The following KCNMA1 variants were observed in gnomAD, a reference collection of about 807,000 sequenced individuals.
The protein encoded by KCNMA1 is potassium calcium-activated channel subfamily M alpha 1.
In KCNMA1, 29 loss-of-function variants were observed where a neutral mutation model predicts 140.0. The observed-to-expected ratio is 0.21, with a 90% confidence interval of 0.15 to 0.28. The LOEUF (loss-of-function observed/expected upper bound fraction) is 0.28, where lower values mean the gene tolerates loss of function less well. Ranked by LOEUF, KCNMA1 falls within the 10% of genes least tolerant of loss-of-function variation. KCNMA1 has a pLI of 1.00. For missense variants in KCNMA1, 880 were observed against 1,602.2 expected, an observed-to-expected ratio of 0.55 and a Z score of 7.70; for synonymous variants, 612 against 611.9, an observed-to-expected ratio of 1.00 and a Z score of 0.00.
intron 19 of KCNMA1, among the ~76,000 whole-genome samples, chr10:76,982,698 G>C (rs1278100302): frequency 1.3e-5 from 2 of 152,078 alleles, no homozygotes; most frequent in Non-Finnish European, 2.9e-5. Flanking sequence ...TGAAGCCTCT[G>C]GGAAAGCTAT....
chr10:77,073,706 GT>G (rs1194807278), intron 13 of KCNMA1, among the ~76,000 whole-genome samples: 4 of 152,190 alleles, frequency 2.6e-5, no homozygotes, highest in African/African-American at 9.7e-5. Context: ...CACCTGTACA[GT>G]TTCTGAAAAC....
intron 3 of KCNMA1, among the ~76,000 whole-genome samples, chr10:77,244,435 C>T (rs775994544): frequency 2.0e-5 from 3 of 152,200 alleles, no homozygotes; most frequent in South Asian, 4.1e-4. Flanking sequence ...CTTCTAGATG[C>T]CATTGCCTAC....
At chr10:77,188,405 G>C (rs140719265) in intron 3 of KCNMA1, among the ~76,000 whole-genome samples, 18 of 152,204 alleles carry the variant, frequency 1.2e-4, no homozygotes, top group African/African-American at 3.9e-4. Flanking sequence ...TTAATAATTA[G>C]AGAATATAAG....
intron 1 of KCNMA1, among the ~76,000 whole-genome samples, chr10:77,495,224 T>C (rs945775854): frequency 6.6e-6 from 1 of 152,162 alleles, no homozygotes; most frequent in Non-Finnish European, 1.5e-5. Context: ...TCCCAAGAAG[T>C]AGGCTCAATG....
intron 3 of KCNMA1, among the ~76,000 whole-genome samples, chr10:77,202,754 A>G (rs1302663071): frequency 6.6e-6 from 1 of 152,182 alleles, no homozygotes; most frequent in South Asian, 2.1e-4. Flanking sequence ...AAACTCACCC[A>G]AGGATGGCCA....
chr10:77,455,928 A>C (rs1339329826), intron 1 of KCNMA1, among the ~76,000 whole-genome samples: 1 of 152,204 alleles, frequency 6.6e-6, no homozygotes, highest in African/African-American at 2.4e-5. Flanking sequence ...AATAAACAAA[A>C]TAAATTAAGC....
At chr10:76,963,890 C>T (rs2072772419) in intron 20 of KCNMA1, among the ~76,000 whole-genome samples, 2 of 152,084 alleles carry the variant, frequency 1.3e-5, no homozygotes, top group Admixed American at 6.5e-5. Context: ...TCTGTCTGAG[C>T]CTGTATCAGA....
intron 2 of KCNMA1, among the ~76,000 whole-genome samples, chr10:77,279,620 G>C (rs1472324670): frequency 1.3e-5 from 2 of 152,164 alleles, no homozygotes; most frequent in South Asian, 2.1e-4. Flanking sequence ...TTATTTCCCA[G>C]TTGGTGGCCT....
At chr10:77,554,597 CAAAAAAAAA>C (rs59754706) in intron 1 of KCNMA1, among the ~76,000 whole-genome samples, 1 of 84,100 alleles carries the variant, frequency 1.2e-5, no homozygotes, top group Non-Finnish European at 2.4e-5. Flanking sequence ...TACTCCATCT[CAAAAAAAAA>C]AAAAAAAAAA....
chr10:77,184,061 T>TACACACACAC (rs1270596744), intron 4 of KCNMA1, among the ~76,000 whole-genome samples: 1 of 102,948 alleles, frequency 9.7e-6, no homozygotes, highest in Non-Finnish European at 2.3e-5. Context: ...TATGTACGCA[T>TACACACACAC]TCACACACAC....
At chr10:77,320,746 A>C (rs987203135) in intron 2 of KCNMA1, among the ~76,000 whole-genome samples, 1 of 152,230 alleles carries the variant, frequency 6.6e-6, no homozygotes, top group African/African-American at 2.4e-5. Flanking sequence ...TACAGAAAAA[A>C]ACCCAAGCAC....
At chr10:77,141,105 C>A (rs2098158591) in intron 5 of KCNMA1, among the ~76,000 whole-genome samples, 1 of 152,104 alleles carries the variant, frequency 6.6e-6, no homozygotes, top group Non-Finnish European at 1.5e-5. Flanking sequence ...CTAACATAAC[C>A]CAAATACGCA....
chr10:77,472,938 T>C (rs1158946840), intron 1 of KCNMA1, among the ~76,000 whole-genome samples: 1 of 152,192 alleles, frequency 6.6e-6, no homozygotes, highest in Non-Finnish European at 1.5e-5. Context: ...GGTGGGCTCG[T>C]ACTAGGATTG....
chr10:77,580,057 C>A (rs527992639), intron 1 of KCNMA1, among the ~76,000 whole-genome samples: 247 of 152,286 alleles, frequency 1.6e-3, no homozygotes, highest in African/African-American at 5.7e-3. Context: ...CAAAAACCTT[C>A]AATGTCTACA....
At chr10:76,918,945 CACAT>C (rs367625438) in intron 23 of KCNMA1, among the ~76,000 whole-genome samples, 1,641 of 149,534 alleles carry the variant, frequency 0.011, 18 homozygotes, top group East Asian at 0.025. Context: ...CACACACACA[CACAT>C]ATATATGTGA....
chr10:77,223,661 A>C (rs911100880), intron 3 of KCNMA1, among the ~76,000 whole-genome samples: 12 of 152,114 alleles, frequency 7.9e-5, no homozygotes, highest in Non-Finnish European at 1.6e-4. Context: ...GCCCTCTCTG[A>C]TTGGCATGCC....
At chr10:77,317,714 C>T (rs548186689) in intron 2 of KCNMA1, among the ~76,000 whole-genome samples, 3 of 152,356 alleles carry the variant, frequency 2.0e-5, no homozygotes, top group Non-Finnish European at 2.9e-5. Context: ...CTTGTTGGCA[C>T]AAGGCCGCTG....
At chr10:77,561,319 A>G (rs553845827) in intron 1 of KCNMA1, among the ~76,000 whole-genome samples, 2 of 152,332 alleles carry the variant, frequency 1.3e-5, no homozygotes, top group East Asian at 1.9e-4. Context: ...TATCACTTCT[A>G]CAGTGCTTAT....
At position 77,437,480 on chromosome 10, in the gene KCNMA1, T is replaced by C. The variant is rs186675656; in HGVS notation, c.379-33457A>G. On this transcript the variant is annotated intron_variant, in intron 1 of 27. Transcript: ENST00000286628. ...TTGTAAATGTCTTTTAATGTTCTTA[T>C]ATAGTTTTACAGCAGGTAAAATTTT... 2.0e-3 allele frequency among the ~76,000 whole-genome samples: 306 copies of C among 152,336 alleles called. 1 individual carries two copies. The highest frequency in any genetic ancestry group is 7.1e-3 in the African/African-American group (296 of 41,564).
Sources: allele counts gnomAD v4.1 joint callset (sites outside exome capture counted in the v4.1 genomes callset), GRCh38; gene constraint gnomAD v4.1.1; transcripts MANE v1.5; gene names NCBI Gene and HGNC (gene_info 2026-07-23, HGNC 2026-07-21).